KCNIP4: variants seen among roughly 807,000 people sequenced by gnomAD.
KCNIP4 encodes the protein potassium voltage-gated channel interacting protein 4, also known as Kv channel-interacting protein 4.
A neutral mutation model predicts 34.0 loss-of-function variants in KCNIP4; 12 were observed. The ratio of observed to expected loss-of-function variants is 0.35; its 90% CI spans 0.23 to 0.57. KCNIP4 has a LOEUF of 0.57. Ranked by LOEUF, KCNIP4 falls within the 20% of genes least tolerant of loss-of-function variation. KCNIP4 has a pLI of 0.83. For missense variants in KCNIP4, 238 were observed against 311.7 expected, an observed-to-expected ratio of 0.76 and a Z score of 1.78; for synonymous variants, 124 against 102.2, an observed-to-expected ratio of 1.21 and a Z score of -1.29.
intron 1 of KCNIP4, among the ~76,000 whole-genome samples, chr4:21,241,434 T>G (rs1446313481): frequency 6.6e-6 from 1 of 152,148 alleles, no homozygotes; most frequent in African/African-American, 2.4e-5. Flanking sequence ...TTCTTTGACA[T>G]TCACAGAGGG....
chr4:21,113,648 A>C (rs575782537), intron 1 of KCNIP4, among the ~76,000 whole-genome samples: 36 of 152,270 alleles, frequency 2.4e-4, no homozygotes, highest in Admixed American at 1.7e-3. Context: ...GCTCCAGCCC[A>C]TGTGCAAGCA....
At chr4:21,734,943 T>C (rs1030991820) in intron 1 of KCNIP4, among the ~76,000 whole-genome samples, 1 of 152,130 alleles carries the variant, frequency 6.6e-6, no homozygotes, top group Non-Finnish European at 1.5e-5. Context: ...TTCGCTCCTA[T>C]AAATAAAGAT....
intron 5 of KCNIP4, among the ~76,000 whole-genome samples, chr4:20,736,803 G>C (rs1185266307): frequency 6.6e-6 from 1 of 152,120 alleles, no homozygotes; most frequent in African/African-American, 2.4e-5. Flanking sequence ...GACAAAAACA[G>C]AAATAATTGT....
intron 1 of KCNIP4, among the ~76,000 whole-genome samples, chr4:21,880,609 G>A (rs1471552427): frequency 3.9e-5 from 6 of 152,094 alleles, no homozygotes; most frequent in Non-Finnish European, 8.8e-5. Context: ...ACATAATGTT[G>A]TTATTCTGTT....
intron 3 of KCNIP4, among the ~76,000 whole-genome samples, chr4:20,812,658 G>A (rs1414748333): frequency 2.0e-5 from 3 of 152,188 alleles, no homozygotes; most frequent in East Asian, 1.9e-4. Flanking sequence ...GGATGGGCAA[G>A]TGACCAACTT....
chr4:21,713,103 G>A (rs74576988), intron 1 of KCNIP4, among the ~76,000 whole-genome samples: 2,386 of 152,258 alleles, frequency 0.016, 68 homozygotes, highest in African/African-American at 0.052. Flanking sequence ...AAAATGCCTA[G>A]GCCTCAATTT....
In KCNIP4 at chr4:21,675,482, G is replaced by A. The variant is rs147215363; in HGVS notation, c.61+273089C>T. 2.7e-3 allele frequency among the ~76,000 whole-genome samples: 404 copies of A among 152,274 alleles called. 1 individual carries two copies. Among genetic ancestry groups the A allele is most frequent in the African/African-American group, 7.8e-3 (323 of 41,566 alleles). On this transcript the variant is annotated intron_variant, in intron 1 of 8. Transcript: ENST00000382152. ...TTTGTAACTCAAAGGATAAATGCTT[G>A]AGGGGATGGACACCCCATTCTCCAT...
At chr4:21,876,156 C>T (rs1451468940) in intron 1 of KCNIP4, among the ~76,000 whole-genome samples, 1 of 152,030 alleles carries the variant, frequency 6.6e-6, no homozygotes, top group East Asian at 1.9e-4. Flanking sequence ...AAAATTGTGA[C>T]ATAGTGATAC....
chr4:21,643,873 TA>T (rs1422471432), intron 1 of KCNIP4, among the ~76,000 whole-genome samples: 13 of 93,848 alleles, frequency 1.4e-4, no homozygotes, highest in Admixed American at 6.9e-4. Flanking sequence ...ATGATGATGA[TA>T]GATAGATAGA....
At chr4:21,167,875 T>C (rs1577817734) in intron 1 of KCNIP4, among the ~76,000 whole-genome samples, 1 of 152,300 alleles carries the variant, frequency 6.6e-6, no homozygotes, top group African/African-American at 2.4e-5. Flanking sequence ...CATTCACTTA[T>C]TTTCTTTTGT....
At chr4:21,926,139 ATACT>A (rs1729232717) in intron 1 of KCNIP4, among the ~76,000 whole-genome samples, 2 of 152,352 alleles carry the variant, frequency 1.3e-5, no homozygotes, top group South Asian at 4.1e-4. Context: ...TATACAGCCA[ATACT>A]TAATCAGCAA....
intron 1 of KCNIP4, among the ~76,000 whole-genome samples, chr4:21,602,218 T>C (rs1743234280): frequency 6.6e-6 from 1 of 152,008 alleles, no homozygotes; most frequent in African/African-American, 2.4e-5. Flanking sequence ...CCAAACAGCA[T>C]TGATCACATC....
chr4:21,171,800 A>T (rs1754040658), intron 1 of KCNIP4, among the ~76,000 whole-genome samples: 1 of 152,116 alleles, frequency 6.6e-6, no homozygotes, highest in Non-Finnish European at 1.5e-5. Flanking sequence ...GAGCACATGG[A>T]CTCAGCACTT....
intron 1 of KCNIP4, among the ~76,000 whole-genome samples, chr4:21,671,126 G>A (rs1180812332): frequency 6.6e-6 from 1 of 151,940 alleles, no homozygotes; most frequent in South Asian, 2.1e-4. Context: ...GTGTTCAGCC[G>A]ACTTTGATTT....
intron 1 of KCNIP4, among the ~76,000 whole-genome samples, chr4:21,034,944 T>C (rs1182911213): frequency 3.3e-5 from 5 of 152,202 alleles, no homozygotes; most frequent in Admixed American, 2.0e-4. Flanking sequence ...TCTTTCTTAC[T>C]GTCAATTTTG....
intron 3 of KCNIP4, among the ~76,000 whole-genome samples, chr4:20,801,987 T>C (rs1328776629): frequency 1.3e-5 from 2 of 151,694 alleles, no homozygotes; most frequent in Admixed American, 6.6e-5. Context: ...ACAGTTATGT[T>C]TGATAAATCA....
chr4:21,932,349 G>A (rs1323597423), intron 1 of KCNIP4, among the ~76,000 whole-genome samples: 3 of 152,184 alleles, frequency 2.0e-5, no homozygotes, highest in Admixed American at 1.3e-4. Flanking sequence ...GCTGGAACAG[G>A]AACAACAGTA....
In KCNIP4 at chr4:21,674,019, A is replaced by C. The variant is rs191363781; in HGVS notation, c.61+274552T>G. 2.0e-5 allele frequency among the ~76,000 whole-genome samples: 3 copies of C among 152,360 alleles called. No homozygotes were observed. The East Asian group carries it at 5.8e-4, about 29-fold the overall frequency. On this transcript the variant is annotated intron_variant, in intron 1 of 8. Transcript: ENST00000382152. ...GCCTTGCAGGGAGTGTTTGAAAACAAAAATGAAGATAAACAATGTCTTATC... is the reference window on the plus strand; with the variant it reads ...GCCTTGCAGGGAGTGTTTGAAAACACAAATGAAGATAAACAATGTCTTATC...
chr4:21,931,908 G>A lies in KCNIP4; in HGVS notation c.61+16663C>T, dbSNP rs536677292. Among the ~76,000 whole-genome samples, 9 of 152,182 alleles carry A rather than the reference G, an allele frequency of 5.9e-5. 1 individual carries two copies. The South Asian group carries it at 1.7e-3, about 28-fold the overall frequency. On this transcript the variant is annotated intron_variant, in intron 1 of 8. Transcript: ENST00000382152. ...ACAGTCCCACCAACAGTGTAAAAGT[G>A]TTCCTATTTCTCCACATCCTCTCCT...
Sources: gnomAD v4.1 joint callset for allele counts (sites outside exome capture counted in the v4.1 genomes callset) on GRCh38, gnomAD v4.1.1 for gene constraint, MANE v1.5 for transcripts, NCBI Gene and HGNC (gene_info 2026-07-23, HGNC 2026-07-21) for gene names.